The following R3HDM2 variants were observed in gnomAD, a reference collection of about 807,000 sequenced individuals.
The protein encoded by R3HDM2 is R3H domain containing 2.
R3HDM2 carries 38 observed loss-of-function variants against 124.5 expected under a neutral mutation model. That is an observed-to-expected ratio of 0.31 (90% CI 0.24 to 0.40). The LOEUF is 0.40. Among genes scored for constraint, R3HDM2 ranks in the 10% least tolerant of loss-of-function variants. The pLI is 1.00. For synonymous variants in R3HDM2, 391 were observed against 448.0 expected, an observed-to-expected ratio of 0.87 and a Z score of 1.61; for missense variants, 869 against 1,236.9, an observed-to-expected ratio of 0.70 and a Z score of 4.46.
intron 1 of R3HDM2, among the ~76,000 whole-genome samples, chr12:57,421,676 T>A (rs1387277346): frequency 6.6e-6 from 1 of 151,644 alleles, no homozygotes; most frequent in Non-Finnish European, 1.5e-5. Context: ...CCAGCTAATT[T>A]TTCTTATATT....
chr12:57,268,836 G>GT, intron 17 of R3HDM2, 86 bp downstream of exon 17: 10 of 1,476,426 alleles, frequency 6.8e-6, no homozygotes, highest in Non-Finnish European at 9.1e-6. Context: ...TAGTATTGGA[G>GT]TTTTTAGTAT....
At position 57,260,263 on chromosome 12, in the gene R3HDM2, C is replaced by CAAAAAAAAA. The variant is rs566868060; in HGVS notation, c.2132-1213_2132-1205dup. ...TGGGTGACAGAATGAGACCCTGCCTCAAAAAAAAAAAAAAAAAAAAAAGCC... is the reference window on the plus strand; with the variant it reads ...TGGGTGACAGAATGAGACCCTGCCTCAAAAAAAAAAAAAAAAAAAAAAAAAAAAAAAGCC... On this transcript the variant is annotated intron_variant, in intron 19 of 23. Transcript: ENST00000402412. Among the ~76,000 whole-genome samples, 50 of 31,558 alleles carry CAAAAAAAAA rather than the reference C, an allele frequency of 1.6e-3. 9 individuals carry two copies. The highest frequency in any genetic ancestry group is 4.9e-3 in the African/African-American group (40 of 8,114). The allele number at this position is 31,558 out of a possible 152,430, so 20.7% of individuals were successfully genotyped here.
chr12:57,348,695 A>C (rs1265943701), intron 2 of R3HDM2, among the ~76,000 whole-genome samples: 1 of 29,154 alleles, frequency 3.4e-5, no homozygotes, highest in African/African-American at 1.1e-4. Flanking sequence ...CTCCGTCTCA[A>C]AAAAAAAAAA....
chr12:57,357,079 G>A (rs1267079026), intron 2 of R3HDM2, among the ~76,000 whole-genome samples: 1 of 151,082 alleles, frequency 6.6e-6, no homozygotes, highest in Non-Finnish European at 1.5e-5. Flanking sequence ...CTCCAGCCTG[G>A]GCGACACAGC....
At position 57,310,400 on chromosome 12, in the gene R3HDM2, G is replaced by T. The variant is rs1404925046; in HGVS notation, c.29C>A (p.Thr10Asn). The change falls in exon 3 of 24, where the codon ACC becomes AAC. Residue 10 changes from threonine (T) to asparagine (N), a missense_variant. Around this residue, in one of 2 missense-constraint regions of R3HDM2, gnomAD observed 267 missense variants for 447.7 expected, o/e 0.60. Coordinates refer to ENST00000402412, the MANE Select transcript of R3HDM2 (RefSeq NM_001394031.1). ...TTCTGATTCTTTCATTATTTCCAGG[G>T]TCTCTTGAGTAGTGTTACTGTTAGA... Reference protein sequence around the residue: MSNSNTTQETLEIMKESEKK... With the variant: MSNSNTTQENLEIMKESEKK... 1.3e-6 allele frequency: 2 copies of T among 1,546,006 alleles called. No individual in the cohort carries two copies. Among genetic ancestry groups the T allele is most frequent in the Non-Finnish European group, 8.7e-7 (1 of 1,144,846 alleles).
intron 1 of R3HDM2, 62 bp from the exon 2 acceptor site, chr12:57,395,880 G>T: frequency 1.3e-6 from 1 of 760,324 alleles, no homozygotes; most frequent in Non-Finnish European, 1.6e-6. Flanking sequence ...TAATATATTA[G>T]ATCCAATTCA....
At chr12:57,363,867 TA>T (rs776661796) in intron 2 of R3HDM2, among the ~76,000 whole-genome samples, 340 of 142,990 alleles carry the variant, frequency 2.4e-3, no homozygotes, top group Admixed American at 2.4e-3. Flanking sequence ...CTCCATCTCT[TA>T]AAAAAAAAAA....
chr12:57,330,307 G>A (rs888359478), intron 2 of R3HDM2, among the ~76,000 whole-genome samples: 7 of 150,954 alleles, frequency 4.6e-5, no homozygotes, highest in African/African-American at 1.7e-4. Flanking sequence ...ACTGATTTTT[G>A]TGATAACTTT....
At chr12:57,295,693 A>C (rs926167601) in intron 9 of R3HDM2, 186 bp from the exon 10 acceptor site, 1 of 559,620 alleles carries the variant, frequency 1.8e-6, no homozygotes. Context: ...ATACATCTAT[A>C]ACTTCTCTTC....
At chr12:57,417,195 A>G (rs1382274961) in intron 1 of R3HDM2, among the ~76,000 whole-genome samples, 1 of 151,444 alleles carries the variant, frequency 6.6e-6, no homozygotes, top group Admixed American at 6.6e-5. Flanking sequence ...CCTTAGGTCA[A>G]GAGTTTGAGA....
chr12:57,355,889 T>C (rs952859818), intron 2 of R3HDM2, among the ~76,000 whole-genome samples: 1 of 152,250 alleles, frequency 6.6e-6, no homozygotes, highest in African/African-American at 2.4e-5. Context: ...AGATTGCTCC[T>C]GCTAGCATAT....
chr12:57,334,463 T>C (rs1016825679), intron 2 of R3HDM2, among the ~76,000 whole-genome samples: 18 of 151,616 alleles, frequency 1.2e-4, no homozygotes, highest in African/African-American at 4.4e-4. Context: ...AGCCTCAAGA[T>C]GAGATTTCCC....
intron 2 of R3HDM2, among the ~76,000 whole-genome samples, chr12:57,352,255 A>C (rs990860722): frequency 2.6e-5 from 4 of 151,670 alleles, no homozygotes; most frequent in African/African-American, 4.8e-5. Flanking sequence ...AAAAAAAAAA[A>C]AAAAAAACAA....
intron 3 of R3HDM2, among the ~76,000 whole-genome samples, chr12:57,304,011 C>A (rs1459044232): frequency 4.6e-5 from 7 of 152,000 alleles, no homozygotes; most frequent in Non-Finnish European, 1.0e-4. Flanking sequence ...GAAATATGGC[C>A]CCTAACCATC....
chr12:57,282,626 A>G (rs569592973), intron 13 of R3HDM2, among the ~76,000 whole-genome samples: 1 of 152,166 alleles, frequency 6.6e-6, no homozygotes, highest in Non-Finnish European at 1.5e-5. Flanking sequence ...TGCAACTGCA[A>G]TCCAGCCTGG....
At chr12:57,265,948 CA>C (rs1162221435) in intron 19 of R3HDM2, among the ~76,000 whole-genome samples, 3 of 151,870 alleles carry the variant, frequency 2.0e-5, no homozygotes, top group Non-Finnish European at 4.4e-5. Flanking sequence ...AGATGCACGC[CA>C]CCATGCCCAG....
intron 2 of R3HDM2, among the ~76,000 whole-genome samples, chr12:57,383,359 T>C (rs919356318): frequency 6.6e-6 from 1 of 152,138 alleles, no homozygotes; most frequent in African/African-American, 2.4e-5. Context: ...TATTATTAAG[T>C]CTTCTTTAAT....
rs1448824415 is a variant in R3HDM2, at chr12:57,296,723, C to T, written c.561-172G>A. 1.2e-5 allele frequency: 8 copies of T among 694,172 alleles called. No individual in the cohort carries two copies. The highest frequency in any genetic ancestry group is 3.6e-5 in the African/African-American group (2 of 55,370). 43.0% of individuals were successfully genotyped at this position (694,172 alleles called of 1,614,324 possible). A position where few individuals can be genotyped will look rare whatever the true frequency, so the allele number is the denominator to read the frequency against. On this transcript the variant is annotated intron_variant, in intron 8 of 23. Transcript: ENST00000402412. The surrounding 1 kb of genome is among the most constrained non-coding windows in gnomAD (Gnocchi z 4.5). ...GAACCAAATAGGTTTTTCTCAGTTT[C>T]TTTATCTACAGTATTCTGCAGATTA...
chr12:57,330,233 TG>T (rs1311100290), intron 2 of R3HDM2, among the ~76,000 whole-genome samples: 1 of 152,086 alleles, frequency 6.6e-6, no homozygotes, highest in Non-Finnish European at 1.5e-5. Context: ...CCCAAAGTGC[TG>T]GGATTACAGG....
Sources: gnomAD v4.1 joint callset for allele counts (sites outside exome capture counted in the v4.1 genomes callset) on GRCh38, gnomAD v4.1.1 for gene constraint, gnomAD v4.1.1 regional missense constraint, Gnocchi (gnomAD v3.1) non-coding constraint, MANE v1.5 for transcripts, NCBI Gene and HGNC (gene_info 2026-07-23, HGNC 2026-07-21) for gene names.